Variants in SORCS3 observed in about 807,000 individuals in gnomAD.
The protein encoded by SORCS3 is VPS10 domain-containing receptor SorCS3.
Under a neutral mutation model 146.3 loss-of-function variants are expected in SORCS3, and 57 were observed. The observed-to-expected ratio is 0.39, with a 90% confidence interval of 0.31 to 0.49. The LOEUF (loss-of-function observed/expected upper bound fraction) is 0.49, where lower values mean the gene tolerates loss of function less well. Ranked by LOEUF, SORCS3 falls within the 20% of genes least tolerant of loss-of-function variation. The pLI is 0.92. For missense variants in SORCS3, 1,341 were observed against 1,575.5 expected, an observed-to-expected ratio of 0.85 and a Z score of 2.52; for synonymous variants, 653 against 618.5, an observed-to-expected ratio of 1.06 and a Z score of -0.83.
chr10:105,088,125 G>A (rs985702051), intron 5 of SORCS3, among the ~76,000 whole-genome samples: 1 of 152,162 alleles, frequency 6.6e-6, no homozygotes, highest in Non-Finnish European at 1.5e-5. Flanking sequence ...GGAGATGAGT[G>A]GATAAGGACG....
Position 105,242,846 on chromosome 10 carries a change from ATATATAAATTATATATATATT to A in SORCS3, c.2869-2694_2869-2674del, listed in dbSNP as rs2056842587. Among the ~76,000 whole-genome samples, 9 of 104,006 alleles carry A rather than the reference ATATATAAATTATATATATATT, an allele frequency of 8.7e-5. No homozygotes were observed. The East Asian group carries it at 2.1e-3, about 24-fold the overall frequency. The allele number at this position is 104,006 out of a possible 152,430, so 68.2% of individuals were successfully genotyped here. A position where few individuals can be genotyped will look rare whatever the true frequency, so the allele number is the denominator to read the frequency against. On this transcript the variant is annotated intron_variant, in intron 20 of 26. Transcript: ENST00000369701. ...ATATATAAATTATATATATATTTTT[ATATATAAATTATATATATATT>A]TTTATATATAAATTATATATAATAT...
chr10:104,878,759 T>A (rs559655020), intron 2 of SORCS3, among the ~76,000 whole-genome samples: 2 of 152,358 alleles, frequency 1.3e-5, no homozygotes, highest in African/African-American at 4.8e-5. Flanking sequence ...CAGTCATGTT[T>A]CAGTCTGAAT....
chr10:104,708,580 A>C (rs2016374499), intron 1 of SORCS3, among the ~76,000 whole-genome samples: 1 of 152,208 alleles, frequency 6.6e-6, no homozygotes, highest in Admixed American at 6.5e-5. Context: ...GCATATAGCC[A>C]GCAAAAATTC....
chr10:105,080,046 A>G (rs1223626175), intron 5 of SORCS3, among the ~76,000 whole-genome samples: 3 of 152,158 alleles, frequency 2.0e-5, no homozygotes, highest in Non-Finnish European at 4.4e-5. Flanking sequence ...TTATGATAGA[A>G]TGATTTATAT....
intron 1 of SORCS3, among the ~76,000 whole-genome samples, chr10:104,768,745 C>T (rs1247751856): frequency 6.6e-6 from 1 of 152,196 alleles, no homozygotes; most frequent in Non-Finnish European, 1.5e-5. Flanking sequence ...CTTGCTCCCT[C>T]CAACCCAATT....
intron 6 of SORCS3, among the ~76,000 whole-genome samples, chr10:105,098,225 G>A (rs2055759594): frequency 6.6e-6 from 1 of 152,158 alleles, no homozygotes; most frequent in Admixed American, 6.6e-5. Context: ...GGACAAAGTG[G>A]GGGCTAAAGG....
intron 1 of SORCS3, among the ~76,000 whole-genome samples, chr10:104,820,400 T>C (rs2017859600): frequency 6.6e-6 from 1 of 152,218 alleles, no homozygotes. Context: ...CCTATAAATA[T>C]TTACTTATTA....
At chr10:104,886,570 CTATCTATCT>C (rs1564705997) in intron 2 of SORCS3, among the ~76,000 whole-genome samples, 3 of 151,386 alleles carry the variant, frequency 2.0e-5, no homozygotes, top group African/African-American at 4.9e-5. Flanking sequence ...ATCTATCTAT[CTATCTATCT>C]ATCTATCTAT....
chr10:105,113,297 GTGA>G (rs779705391), intron 7 of SORCS3, among the ~76,000 whole-genome samples: 2 of 152,180 alleles, frequency 1.3e-5, no homozygotes, highest in Non-Finnish European at 2.9e-5. Context: ...ATTAATAAAT[GTGA>G]TGCACATATT....
At chr10:104,807,604 G>A (rs946913421) in intron 1 of SORCS3, among the ~76,000 whole-genome samples, 8 of 152,082 alleles carry the variant, frequency 5.3e-5, no homozygotes, top group African/African-American at 1.9e-4. Flanking sequence ...TGTGGGGGAG[G>A]GTGGAGCAGC....
Position 104,885,402 on chromosome 10 carries a change from T to C in SORCS3, c.696-30431T>C, listed in dbSNP as rs1260766655. On this transcript the variant is annotated intron_variant, in intron 2 of 26. Coordinates refer to ENST00000369701, the MANE Select transcript of SORCS3 (RefSeq NM_014978.3). ...AAGTGAGCAAGACACACTTTTAAAATGTTCAAAATATTCCTTTCCTTCTCA... is the reference window on the plus strand; with the variant it reads ...AAGTGAGCAAGACACACTTTTAAAACGTTCAAAATATTCCTTTCCTTCTCA... Among the ~76,000 whole-genome samples, 3 of 152,180 alleles carry C rather than the reference T, an allele frequency of 2.0e-5. No homozygotes were observed. The East Asian group carries it at 5.8e-4, about 29-fold the overall frequency.
chr10:105,217,890 C>T (rs2119657668), intron 19 of SORCS3: 1 of 453,998 alleles, frequency 2.2e-6, no homozygotes, highest in Non-Finnish European at 4.4e-6. Flanking sequence ...ATTGGTTTCC[C>T]ACATGTGTAT....
intron 8 of SORCS3, among the ~76,000 whole-genome samples, chr10:105,146,460 G>A (rs539162317): frequency 3.3e-5 from 5 of 151,884 alleles, no homozygotes; most frequent in Non-Finnish European, 5.9e-5. Flanking sequence ...TGTAAGTGGC[G>A]GACCGTAAGA....
intron 5 of SORCS3, among the ~76,000 whole-genome samples, chr10:105,044,881 A>T (rs2055358977): frequency 6.6e-6 from 1 of 151,954 alleles, no homozygotes; most frequent in Non-Finnish European, 1.5e-5. Context: ...CTGTATTTGG[A>T]ACTATGGAGG....
chr10:105,176,963 ATGTG>A (rs148904846), intron 13 of SORCS3, among the ~76,000 whole-genome samples: 1 of 149,030 alleles, frequency 6.7e-6, no homozygotes, highest in African/African-American at 2.4e-5. Flanking sequence ...ATTAGGATTT[ATGTG>A]TGTGTGTGTG....
At chr10:105,244,293 T>C (rs2056853347) in intron 20 of SORCS3, among the ~76,000 whole-genome samples, 1 of 151,742 alleles carries the variant, frequency 6.6e-6, no homozygotes, top group South Asian at 2.1e-4. Context: ...ATATATATAA[T>C]TAGAGCTGAC....
At chr10:104,679,587 T>G (rs2015948298) in intron 1 of SORCS3, among the ~76,000 whole-genome samples, 1 of 152,220 alleles carries the variant, frequency 6.6e-6, no homozygotes, top group African/African-American at 2.4e-5. Flanking sequence ...AATAAATGAC[T>G]CTTGGGTAGA....
chr10:104,866,336 A>G (rs72815667), intron 2 of SORCS3, among the ~76,000 whole-genome samples: 12,107 of 152,268 alleles, frequency 0.08, 755 homozygotes, highest in Non-Finnish European at 0.12. Flanking sequence ...TACGTTGACT[A>G]TCCTTAAAGA....
At chr10:104,960,200 C>T (rs1048749906) in intron 3 of SORCS3, among the ~76,000 whole-genome samples, 1 of 152,162 alleles carries the variant, frequency 6.6e-6, no homozygotes, top group African/African-American at 2.4e-5. Flanking sequence ...GCTCTTTCAG[C>T]TAGACCAGGA....
Sources: allele counts gnomAD v4.1 joint callset (sites outside exome capture counted in the v4.1 genomes callset), GRCh38; gene constraint gnomAD v4.1.1; transcripts MANE v1.5; gene names NCBI Gene and HGNC (gene_info 2026-07-23, HGNC 2026-07-21).